Variants in RBFOX1 observed in about 807,000 individuals in gnomAD.
RBFOX1 encodes RNA binding protein fox-1 homolog 1.
RBFOX1 carries 8 observed loss-of-function variants against 57.7 expected under a neutral mutation model. The observed-to-expected ratio is 0.14, with a 90% CI of 0.08 to 0.25. The LOEUF is 0.25. Ranked by LOEUF, RBFOX1 falls within the 10% of genes least tolerant of loss-of-function variation. RBFOX1 has a pLI of 1.00. For missense variants in RBFOX1, 611 were observed against 548.5 expected (o/e 1.11, Z -1.14); for synonymous variants, 326 against 222.4 (o/e 1.47, Z -4.15).
At chr16:7,150,842 T>C (rs1046176343) in intron 4 of RBFOX1, among the ~76,000 whole-genome samples, 1 of 152,184 alleles carries the variant, frequency 6.6e-6, no homozygotes, top group Non-Finnish European at 1.5e-5. Flanking sequence ...CTGAGAAAAG[T>C]TAGTTAATGA....
chr16:5,692,447 C>G (rs770465948), intron 3 of RBFOX1, among the ~76,000 whole-genome samples: 10 of 152,060 alleles, frequency 6.6e-5, no homozygotes, highest in Non-Finnish European at 1.2e-4. Flanking sequence ...TGAAGTGGAT[C>G]TTTCCCAACT....
chr16:6,824,022 T>G (rs1187778444), intron 3 of RBFOX1, among the ~76,000 whole-genome samples: 1 of 152,184 alleles, frequency 6.6e-6, no homozygotes, highest in Non-Finnish European at 1.5e-5. Context: ...GGAGAAAGTG[T>G]AGAGTTCTCC....
intron 4 of RBFOX1, among the ~76,000 whole-genome samples, chr16:7,116,659 T>G (rs572966280): frequency 6.6e-6 from 1 of 152,280 alleles, no homozygotes; most frequent in African/African-American, 2.4e-5. Flanking sequence ...TTCATGTGAC[T>G]TGGTGGAATG....
chr16:6,828,531 A>C (rs1211689521), intron 3 of RBFOX1, among the ~76,000 whole-genome samples: 2 of 152,006 alleles, frequency 1.3e-5, no homozygotes, highest in African/African-American at 4.8e-5. Flanking sequence ...TTAAAAAAAA[A>C]AAAAATCAGA....
At chr16:5,240,066 G>C (rs547317137) in exon 1 of RBFOX1, 1 of 1,531,954 alleles carries the variant, frequency 6.5e-7, no homozygotes, top group African/African-American at 1.4e-5. Flanking sequence ...GGCCGGGCAG[G>C]GAGGAGACCG....
At chr16:5,655,465 A>G (rs949753804) in intron 3 of RBFOX1, among the ~76,000 whole-genome samples, 1 of 152,210 alleles carries the variant, frequency 6.6e-6, no homozygotes, top group Non-Finnish European at 1.5e-5. Context: ...CATCTGTAGC[A>G]ACAGCTGGCT....
rs533222929 is a variant in RBFOX1, at chr16:7,223,169, C to G, written c.27+171071C>G. Among the ~76,000 whole-genome samples, 3 of 152,258 alleles carry G rather than the reference C, an allele frequency of 2.0e-5. No individual in the cohort carries two copies. The South Asian group carries it at 6.2e-4, about 32-fold the overall frequency. On this transcript the variant is annotated intron_variant, in intron 4 of 15. Coordinates refer to ENST00000550418, the MANE Select transcript of RBFOX1 (RefSeq NM_018723.4). Reference sequence around the variant, plus strand: ...GGGCTGAAGCGAAGGGTTGACCAGCCAGGACAACAAAGGTTATTGCTTATG... The same window carrying G: ...GGGCTGAAGCGAAGGGTTGACCAGCGAGGACAACAAAGGTTATTGCTTATG...
In RBFOX1 at chr16:7,333,154, T is replaced by A. The variant is rs183916053; in HGVS notation, c.28-184993T>A. On this transcript the variant is annotated intron_variant, in intron 4 of 15. Coordinates refer to ENST00000550418, the MANE Select transcript of RBFOX1 (RefSeq NM_018723.4). ...GTGCTCAGAGTAATAATTGGAATTT[T>A]TATGGTTGAGAAAGCAAACACTTTT... 22 of 1,480,270 alleles carry A rather than the reference T, an allele frequency of 1.5e-5. No individual in the cohort carries two copies. The African/African-American group carries it at 2.6e-4, about 18-fold the overall frequency. 91.7% of individuals were successfully genotyped at this position (1,480,270 alleles called of 1,614,324 possible).
intron 4 of RBFOX1, among the ~76,000 whole-genome samples, chr16:5,956,226 A>G (rs575287343): frequency 1.3e-5 from 2 of 152,314 alleles, no homozygotes; most frequent in South Asian, 2.1e-4. Context: ...CAATGAGCCG[A>G]GATTACTCCA....
At chr16:6,776,398 G>A (rs928224762) in intron 3 of RBFOX1, among the ~76,000 whole-genome samples, 8 of 151,456 alleles carry the variant, frequency 5.3e-5, no homozygotes, top group African/African-American at 1.9e-4. Context: ...GTGACAGAGT[G>A]AGACTCCACC....
At chr16:5,465,504 A>G (rs2068924783) in intron 1 of RBFOX1, among the ~76,000 whole-genome samples, 1 of 152,144 alleles carries the variant, frequency 6.6e-6, no homozygotes, top group African/African-American at 2.4e-5. Flanking sequence ...AGGCTGGGAG[A>G]AACAGCTCAT....
At chr16:6,930,019 CTT>C (rs1276700061) in intron 3 of RBFOX1, among the ~76,000 whole-genome samples, 2 of 152,174 alleles carry the variant, frequency 1.3e-5, no homozygotes, top group Non-Finnish European at 2.9e-5. Flanking sequence ...AGATCTCTCT[CTT>C]CTCTCCACAT....
intron 3 of RBFOX1, among the ~76,000 whole-genome samples, chr16:6,884,287 C>T (rs191232956): frequency 2.0e-5 from 3 of 152,246 alleles, no homozygotes; most frequent in East Asian, 1.9e-4. Flanking sequence ...ACTCTGGGTA[C>T]TGTGAAGCAA....
In RBFOX1 at chr16:6,485,218, C is replaced by G. The variant is rs1351204476; in HGVS notation, c.-64+168161C>G. On this transcript the variant is annotated intron_variant, in intron 2 of 15. Transcript: ENST00000550418. ...AAAAGCAAGATTTTCCAAGTCTTATCTGCCCACACGCTTCCCACACGTGTG... is the reference window on the plus strand; with the variant it reads ...AAAAGCAAGATTTTCCAAGTCTTATGTGCCCACACGCTTCCCACACGTGTG... Among the ~76,000 whole-genome samples the G allele has an allele frequency of 2.0e-5, 3 of 152,170 alleles. No homozygotes were observed. In the East Asian group the frequency reaches 5.8e-4, roughly 29 times the overall value.
chr16:5,359,850 C>T (rs7198653), intron 1 of RBFOX1, among the ~76,000 whole-genome samples: 26,134 of 152,150 alleles, frequency 0.17, 2,941 homozygotes, highest in Non-Finnish European at 0.23. Context: ...TCTGGTCCTC[C>T]GCTTTCTCAC....
chr16:6,144,021 A>G (rs2096739392), intron 1 of RBFOX1, among the ~76,000 whole-genome samples: 2 of 149,610 alleles, frequency 1.3e-5, no homozygotes, highest in African/African-American at 5.0e-5. Context: ...CTGGTTTCGA[A>G]CTCCTGGCCT....
chr16:6,581,248 G>A (rs2097533335), intron 2 of RBFOX1, among the ~76,000 whole-genome samples: 6 of 152,156 alleles, frequency 3.9e-5, no homozygotes, highest in Admixed American at 3.3e-4. Flanking sequence ...GATTTGCAAA[G>A]TCTGGCCACT....
chr16:5,418,068 C>T (rs2067207566), intron 1 of RBFOX1, among the ~76,000 whole-genome samples: 1 of 133,212 alleles, frequency 7.5e-6, no homozygotes, highest in Admixed American at 8.1e-5. Context: ...GCAACAAGAG[C>T]AAAACTCCAT....
chr16:6,270,160 G>C (rs2075029449), intron 1 of RBFOX1, among the ~76,000 whole-genome samples: 1 of 150,328 alleles, frequency 6.7e-6, no homozygotes, highest in Non-Finnish European at 1.5e-5. Context: ...AGGCAGAAAA[G>C]GCAAACTGAA....
Sources: allele counts gnomAD v4.1 joint callset (sites outside exome capture counted in the v4.1 genomes callset), GRCh38; gene constraint gnomAD v4.1.1; transcripts MANE v1.5; gene names NCBI Gene and HGNC (gene_info 2026-07-23, HGNC 2026-07-21).